The following ZNF423 variants were observed in gnomAD, a reference collection of about 807,000 sequenced individuals.
ZNF423 encodes the protein zinc finger protein 423, also known as Ebf-associated zinc finger protein.
In ZNF423, 12 loss-of-function variants were observed where a neutral mutation model predicts 95.8. That is an observed-to-expected ratio of 0.13 (90% CI 0.08 to 0.20). ZNF423 has a LOEUF of 0.20. ZNF423 is among the 10% of genes least tolerant of loss of function. The pLI is 1.00. For synonymous variants in ZNF423, 749 were observed against 711.9 expected (o/e 1.05, Z -0.83); for missense variants, 1,316 against 1,737.1 (o/e 0.76, Z 4.31).
intron 7 of ZNF423, 26 bp downstream of exon 7, chr16:49,523,598 G>A (rs562476353): frequency 1.9e-5 from 31 of 1,590,558 alleles, no homozygotes; most frequent in African/African-American, 5.4e-5. Context: ...ATCAGGCGGC[G>A]TGGTGCAGCG....
intron 1 of ZNF423, among the ~76,000 whole-genome samples, chr16:49,839,492 GCAGGCAGGCC>G (rs1238833289): frequency 1.3e-5 from 2 of 152,186 alleles, no homozygotes; most frequent in Admixed American, 6.5e-5. Flanking sequence ...GGCGCTCACA[GCAGGCAGGCC>G]CAGGGAGGCC....
At chr16:49,718,744 A>G (rs1363334849) in intron 3 of ZNF423, among the ~76,000 whole-genome samples, 1 of 152,164 alleles carries the variant, frequency 6.6e-6, no homozygotes, top group Non-Finnish European at 1.5e-5. Context: ...GCGTCCTCAC[A>G]TGGTGGAAGG....
At chr16:49,570,076 A>G (rs984659751) in intron 5 of ZNF423, among the ~76,000 whole-genome samples, 1 of 152,206 alleles carries the variant, frequency 6.6e-6, no homozygotes, top group Non-Finnish European at 1.5e-5. Flanking sequence ...GTTAAACAAA[A>G]TGAAATAGGA....
intron 3 of ZNF423, among the ~76,000 whole-genome samples, chr16:49,663,001 C>T (rs1319963204): frequency 6.6e-6 from 1 of 152,162 alleles, no homozygotes; most frequent in African/African-American, 2.4e-5. Flanking sequence ...GGTCTCTCAA[C>T]CTCTCTGGTC....
At chr16:49,768,898 C>T (rs538400279) in intron 2 of ZNF423, among the ~76,000 whole-genome samples, 1 of 152,266 alleles carries the variant, frequency 6.6e-6, no homozygotes, top group South Asian at 2.1e-4. Context: ...TTGAGCCACA[C>T]CATCCACACC....
chr16:49,659,939 G>T (rs538849089), intron 3 of ZNF423, among the ~76,000 whole-genome samples: 6 of 152,336 alleles, frequency 3.9e-5, no homozygotes, highest in African/African-American at 1.4e-4. Flanking sequence ...TGAGTCAATG[G>T]ATGCACACTT....
intron 5 of ZNF423, among the ~76,000 whole-genome samples, chr16:49,605,846 G>A (rs562630014): frequency 5.9e-5 from 9 of 152,352 alleles, no homozygotes; most frequent in Middle Eastern, 3.4e-3. Context: ...TGTGAAACAA[G>A]GAGCAGATGT....
At position 49,813,155 on chromosome 16, in the gene ZNF423, G is replaced by A. The variant is rs375503243; in HGVS notation, c.41-23609C>T. 6.6e-5 allele frequency among the ~76,000 whole-genome samples: 10 copies of A among 152,172 alleles called. No homozygotes were observed. In the East Asian group the frequency reaches 1.2e-3, roughly 18 times the overall value. On this transcript the variant is annotated intron_variant, in intron 1 of 7. Transcript: ENST00000563137. Reference sequence around the variant, plus strand: ...TCTCTCAACTCCCATTTCCCTGTGCGTATGAATGACATTAGACTGGACTTC... The same window carrying A: ...TCTCTCAACTCCCATTTCCCTGTGCATATGAATGACATTAGACTGGACTTC...
At chr16:49,517,347 T>C (rs985896556) in intron 7 of ZNF423, among the ~76,000 whole-genome samples, 2 of 152,200 alleles carry the variant, frequency 1.3e-5, no homozygotes, top group African/African-American at 4.8e-5. Flanking sequence ...TGGAGCCACC[T>C]GAAGCAATAA....
At position 49,635,885 on chromosome 16, in the gene ZNF423, G is replaced by A. The variant is rs150027129; in HGVS notation, c.3291C>T (p.Tyr1097=). The A allele has an allele frequency of 5.2e-3, 8,198 of 1,583,464 alleles. 27 individuals carry two copies. Among genetic ancestry groups the A allele is most frequent in the Non-Finnish European group, 6.2e-3 (7,183 of 1,166,440 alleles). ...GGGCCATGCAGCCGGCGCAGAGGCC[G>A]TAGGGCAGCCCATTGACGTCAAGCT... ...LVKLDVNGLP[Y]GLCAGCMARS... is the part of the protein sequence containing the mutation. Residue 1097 remains tyrosine (Y), a synonymous_variant, in exon 4 of 8, where the codon TAC becomes TAT. Transcript: ENST00000563137. The surrounding 1 kb of genome is among the most constrained non-coding windows in gnomAD (Gnocchi z 4.8).
chr16:49,513,180 C>A (rs1315468270), intron 7 of ZNF423, among the ~76,000 whole-genome samples: 3 of 152,184 alleles, frequency 2.0e-5, no homozygotes. Flanking sequence ...TCCCCAGGCT[C>A]CTGGCCTCAC....
intron 3 of ZNF423, among the ~76,000 whole-genome samples, chr16:49,724,209 T>C (rs985154786): frequency 6.6e-6 from 1 of 152,246 alleles, no homozygotes; most frequent in African/African-American, 2.4e-5. Flanking sequence ...GTCCTCTCCA[T>C]GCCGTTTGAA....
chr16:49,818,345 G>T (rs2034888709), intron 1 of ZNF423, among the ~76,000 whole-genome samples: 1 of 152,072 alleles, frequency 6.6e-6, no homozygotes, highest in South Asian at 2.1e-4. Flanking sequence ...AAGTTCCCAG[G>T]TGAGGCTGAC....
At chr16:49,709,324 C>T (rs544233293) in intron 3 of ZNF423, among the ~76,000 whole-genome samples, 8 of 151,998 alleles carry the variant, frequency 5.3e-5, no homozygotes, top group African/African-American at 9.7e-5. Flanking sequence ...CCACCCTGCT[C>T]GGTGTAACAG....
rs1486223145 is a variant in ZNF423, at chr16:49,789,557, G to A, written c.41-11C>T. 4 of 1,611,222 alleles carry A rather than the reference G, an allele frequency of 2.5e-6. No homozygotes were observed. Among genetic ancestry groups the A allele is most frequent in the Non-Finnish European group, 8.5e-7 (1 of 1,179,230 alleles). On this transcript the variant is annotated splice_polypyrimidine_tract_variant and intron_variant, in intron 1 of 7. Transcript: ENST00000563137. Reference sequence around the variant, plus strand: ...CCTCCCCCTCTTCAACTGAAAGAGAGAACAGAGATGGGCCTGTGAGTTTGA... The same window carrying A: ...CCTCCCCCTCTTCAACTGAAAGAGAAAACAGAGATGGGCCTGTGAGTTTGA...
At chr16:49,544,490 A>G (rs1222718218) in intron 5 of ZNF423, among the ~76,000 whole-genome samples, 1 of 152,214 alleles carries the variant, frequency 6.6e-6, no homozygotes, top group Non-Finnish European at 1.5e-5. Context: ...AAGGGTGAAT[A>G]AAATATTTGG....
At chr16:49,813,697 T>TCCTGTTAAAG (rs1200135962) in intron 1 of ZNF423, among the ~76,000 whole-genome samples, 4 of 152,232 alleles carry the variant, frequency 2.6e-5, no homozygotes, top group African/African-American at 9.6e-5. Context: ...CCCCTTGGCC[T>TCCTGTTAAAG]CCTGTTAAAG....
chr16:49,510,388 C>G (rs1354304566), intron 7 of ZNF423, among the ~76,000 whole-genome samples: 1 of 152,186 alleles, frequency 6.6e-6, no homozygotes, highest in Non-Finnish European at 1.5e-5. Context: ...TGCTCCTTGT[C>G]CCTAGAAGGC....
intron 3 of ZNF423, chr16:49,640,936 T>C (rs1418352841): frequency 6.6e-6 from 1 of 152,278 alleles, no homozygotes; most frequent in African/African-American, 2.4e-5. Context: ...TCTTGCCAGC[T>C]GGGCTCTCTG....
Sources: gnomAD v4.1 joint callset for allele counts (sites outside exome capture counted in the v4.1 genomes callset) on GRCh38, gnomAD v4.1.1 for gene constraint, Gnocchi (gnomAD v3.1) non-coding constraint, MANE v1.5 for transcripts, NCBI Gene and HGNC (gene_info 2026-07-23, HGNC 2026-07-21) for gene names.